The following RBFOX1 variants were observed in gnomAD, a reference collection of about 807,000 sequenced individuals.
The protein encoded by RBFOX1 is RNA binding protein fox-1 homolog 1.
A neutral mutation model predicts 57.7 loss-of-function variants in RBFOX1; 8 were observed. The observed-to-expected ratio is 0.14, with a 90% CI of 0.08 to 0.25. The LOEUF (loss-of-function observed/expected upper bound fraction) is 0.25, where lower values mean the gene tolerates loss of function less well. Among genes scored for constraint, RBFOX1 ranks in the 10% least tolerant of loss-of-function variants. The pLI is 1.00. For synonymous variants in RBFOX1, 326 were observed against 222.4 expected (o/e 1.47, Z -4.15); for missense variants, 611 against 548.5 (o/e 1.11, Z -1.14).
intron 4 of RBFOX1, among the ~76,000 whole-genome samples, chr16:7,085,943 A>G (rs1164345594): frequency 6.6e-6 from 1 of 152,150 alleles, no homozygotes. Flanking sequence ...CATGGGCTCT[A>G]AAATGTACTA....
intron 4 of RBFOX1, among the ~76,000 whole-genome samples, chr16:7,425,981 A>G (rs6500966): frequency 2.8e-4 from 42 of 152,340 alleles, no homozygotes; most frequent in Admixed American, 7.2e-4. Context: ...TCAATTGTTT[A>G]TACACATTGG....
At chr16:6,894,093 G>A (rs2066173549) in intron 3 of RBFOX1, among the ~76,000 whole-genome samples, 1 of 146,134 alleles carries the variant, frequency 6.8e-6, no homozygotes, top group Non-Finnish European at 1.5e-5. Context: ...TCGATTGATA[G>A]ATAGACGAAC....
At chr16:5,363,761 C>G (rs958137066) in intron 1 of RBFOX1, among the ~76,000 whole-genome samples, 3 of 152,218 alleles carry the variant, frequency 2.0e-5, no homozygotes, top group Admixed American at 6.5e-5. Flanking sequence ...GTCTTATTCA[C>G]TGTTGTATTA....
intron 4 of RBFOX1, among the ~76,000 whole-genome samples, chr16:5,937,400 C>T (rs868057707): frequency 6.6e-5 from 10 of 152,074 alleles, no homozygotes; most frequent in South Asian, 2.1e-4. Context: ...AGAGTAGAGG[C>T]GTGAACCAAG....
intron 4 of RBFOX1, among the ~76,000 whole-genome samples, chr16:7,131,363 T>A (rs867393963): frequency 4.2e-4 from 50 of 119,610 alleles, no homozygotes; most frequent in African/African-American, 1.6e-3. Context: ...TTTTTTTTTT[T>A]TAAAAAAAAA....
At chr16:5,437,989 T>C (rs1014528704) in intron 1 of RBFOX1, among the ~76,000 whole-genome samples, 1 of 152,238 alleles carries the variant, frequency 6.6e-6, no homozygotes, top group African/African-American at 2.4e-5. Flanking sequence ...CATGTCTCTG[T>C]GTTGTCAAGG....
At chr16:7,498,817 A>G (rs532455046) in intron 4 of RBFOX1, among the ~76,000 whole-genome samples, 4 of 152,332 alleles carry the variant, frequency 2.6e-5, no homozygotes, top group South Asian at 4.1e-4. Flanking sequence ...CTCTCTGACT[A>G]GGATTACAAT....
chr16:6,621,902 A>T (rs567140481), intron 2 of RBFOX1, among the ~76,000 whole-genome samples: 75 of 151,644 alleles, frequency 4.9e-4, no homozygotes, highest in Middle Eastern at 3.4e-3. Context: ...GACATGATTT[A>T]AAAAAAAAGT....
intron 3 of RBFOX1, among the ~76,000 whole-genome samples, chr16:6,871,915 G>GTGTGTGTC (rs1413195592): frequency 3.3e-4 from 11 of 32,840 alleles, no homozygotes; most frequent in Non-Finnish European, 1.2e-4. Context: ...GAGAGTCTGT[G>GTGTGTGTC]TGTGTGTGTG....
At chr16:6,366,635 T>A (rs1037990096) in intron 2 of RBFOX1, among the ~76,000 whole-genome samples, 1 of 152,220 alleles carries the variant, frequency 6.6e-6, no homozygotes, top group Non-Finnish European at 1.5e-5. Context: ...TGTGCCAGGT[T>A]CTTCTGCAGG....
At chr16:6,889,878 T>G (rs550148751) in intron 3 of RBFOX1, among the ~76,000 whole-genome samples, 1 of 152,310 alleles carries the variant, frequency 6.6e-6, no homozygotes, top group South Asian at 2.1e-4. Flanking sequence ...AAGTTTTCCT[T>G]TTTGAGTTTT....
intron 4 of RBFOX1, among the ~76,000 whole-genome samples, chr16:6,002,412 C>T (rs1043837089): frequency 2.6e-5 from 4 of 152,186 alleles, no homozygotes; most frequent in African/African-American, 7.2e-5. Context: ...TCTGGCTGTG[C>T]GTACTAGTTA....
intron 3 of RBFOX1, among the ~76,000 whole-genome samples, chr16:6,951,287 A>G (rs1756004343): frequency 6.6e-6 from 1 of 152,182 alleles, no homozygotes. Flanking sequence ...CTGAGGGGTC[A>G]GTTTCAGCTG....
intron 1 of RBFOX1, among the ~76,000 whole-genome samples, chr16:6,029,917 A>T (rs528140515): frequency 2.0e-5 from 3 of 151,870 alleles, no homozygotes; most frequent in Non-Finnish European, 2.9e-5. Context: ...TATGATTATT[A>T]TTGTTATTTT....
chr16:7,406,967 G>A (rs910892437), intron 4 of RBFOX1, among the ~76,000 whole-genome samples: 7 of 152,092 alleles, frequency 4.6e-5, no homozygotes, highest in Non-Finnish European at 8.8e-5. Flanking sequence ...CTGCCTCTGC[G>A]TTTGTATGTC....
chr16:5,908,075 T>TATATATACACATATATATACAC (rs1555443708), intron 4 of RBFOX1, among the ~76,000 whole-genome samples: 1,422 of 118,174 alleles, frequency 0.012, 51 homozygotes, highest in Non-Finnish European at 0.019. Flanking sequence ...TGTATGTATA[T>TATATATACACATATATATACAC]ATATATATAT....
intron 2 of RBFOX1, among the ~76,000 whole-genome samples, chr16:5,548,177 ATAT>A (rs1567217781): frequency 2.7e-4 from 11 of 40,856 alleles, no homozygotes; most frequent in African/African-American, 7.2e-4. Flanking sequence ...AAAAAAAAAT[ATAT>A]ATATATATAT....
At chr16:6,731,268 T>C (rs1362647771) in intron 3 of RBFOX1, among the ~76,000 whole-genome samples, 1 of 152,116 alleles carries the variant, frequency 6.6e-6, no homozygotes, top group Non-Finnish European at 1.5e-5. Flanking sequence ...AGGTGGGAAG[T>C]AGAGTTCTGC....
At chr16:6,774,014 G>A (rs1200495742) in intron 3 of RBFOX1, 1 of 985,100 alleles carries the variant, frequency 1.0e-6, no homozygotes, top group Admixed American at 6.2e-5. Context: ...CAGAGACCAG[G>A]TAATCACAGT....
Sources: allele counts gnomAD v4.1 joint callset (sites outside exome capture counted in the v4.1 genomes callset), GRCh38; gene constraint gnomAD v4.1.1; transcripts MANE v1.5; gene names NCBI Gene and HGNC (gene_info 2026-07-23, HGNC 2026-07-21).